The following PRDM10 variants were observed in gnomAD, a reference collection of about 807,000 sequenced individuals.
PRDM10 encodes PR/SET domain 10, also known as PR domain zinc finger protein 10.
In PRDM10, 65 loss-of-function variants were observed where a neutral mutation model predicts 133.1. The observed-to-expected ratio is 0.49, with a 90% CI of 0.40 to 0.60. PRDM10 has a LOEUF of 0.60. PRDM10 is among the 20% of genes least tolerant of loss of function. The pLI, the probability that PRDM10 is intolerant of heterozygous loss-of-function variation, is 0.00. For missense variants in PRDM10, 1,137 were observed against 1,507.1 expected, an observed-to-expected ratio of 0.75 and a Z score of 4.07; for synonymous variants, 582 against 580.4, an observed-to-expected ratio of 1.00 and a Z score of -0.04.
At chr11:129,933,071 C>T (rs1950920996) in intron 9 of PRDM10, among the ~76,000 whole-genome samples, 1 of 152,176 alleles carries the variant, frequency 6.6e-6, no homozygotes, top group African/African-American at 2.4e-5. Flanking sequence ...GAATTGCCAA[C>T]AAACACAAAT....
chr11:129,915,624 G>T, intron 16 of PRDM10, 36 bp downstream of exon 16: 13 of 1,532,476 alleles, frequency 8.5e-6, no homozygotes, highest in Non-Finnish European at 1.1e-5. Flanking sequence ...TCGCATGGCG[G>T]TTTTGACCTT....
At chr11:129,916,171 G>A (rs978045797) in intron 15 of PRDM10, among the ~76,000 whole-genome samples, 2 of 152,160 alleles carry the variant, frequency 1.3e-5, no homozygotes, top group African/African-American at 4.8e-5. Flanking sequence ...GAAGATAATT[G>A]TTTTTAAGGC....
intron 13 of PRDM10, among the ~76,000 whole-genome samples, chr11:129,921,748 G>A (rs1950528784): frequency 6.6e-6 from 1 of 152,168 alleles, no homozygotes; most frequent in South Asian, 2.1e-4. Flanking sequence ...AGACCAGCCT[G>A]GAAGGTGGAA....
At chr11:129,985,812 AT>A (rs1342372341) in intron 1 of PRDM10, among the ~76,000 whole-genome samples, 233 of 72,720 alleles carry the variant, frequency 3.2e-3, no homozygotes, top group Non-Finnish European at 5.2e-3. Context: ...AAAAAAAAAT[AT>A]ATATATATAT....
Position 129,931,213 on chromosome 11 carries a change from G to GGT in PRDM10, c.1332_1333insAC (p.Pro445ThrfsTer5). 1 of 1,614,066 alleles carries GGT rather than the reference G, an allele frequency of 6.2e-7. No individual in the cohort carries two copies. Among genetic ancestry groups the GGT allele is most frequent in the East Asian group, 2.2e-5 (1 of 44,878 alleles). ...TGATCCAGCCCATTCAGAGTGGCTG[G>GGT]TTCAGCCTCATCAAATTGCTCCTTT... On this transcript the variant is annotated frameshift_variant, in exon 11 of 21. Coordinates refer to ENST00000360871, the MANE Select transcript of PRDM10 (RefSeq NM_199437.2). LOFTEE classifies it high-confidence loss of function.
intron 1 of PRDM10, among the ~76,000 whole-genome samples, chr11:129,997,840 G>A (rs1939142270): frequency 6.6e-6 from 1 of 152,070 alleles, no homozygotes; most frequent in Non-Finnish European, 1.5e-5. Context: ...TTGAGATTAA[G>A]ATATTCTTCA....
Position 129,957,831 on chromosome 11 carries a change from A to AC in PRDM10, c.148dup (p.Val50GlyfsTer56). The AC allele has an allele frequency of 6.2e-7, 1 of 1,614,198 alleles. No individual in the cohort carries two copies. Among genetic ancestry groups the AC allele is most frequent in the Non-Finnish European group, 8.5e-7 (1 of 1,180,018 alleles). ...GTAGGAGGCACCATCTGCCGTGTAC[A>AC]CCACCTGCTGTGGGGGGCGAACCTG... On this transcript the variant is annotated frameshift_variant, in exon 3 of 21. Transcript: ENST00000360871. LOFTEE classifies it high-confidence loss of function.
At chr11:129,939,053 G>A (rs1422806952) in intron 7 of PRDM10, among the ~76,000 whole-genome samples, 1 of 152,144 alleles carries the variant, frequency 6.6e-6, no homozygotes, top group Admixed American at 6.5e-5. Flanking sequence ...GTAGAGCCTC[G>A]TCAGCAGGGC....
intron 12 of PRDM10, among the ~76,000 whole-genome samples, chr11:129,924,359 G>C (rs571629061): frequency 6.6e-6 from 1 of 152,322 alleles, no homozygotes; most frequent in East Asian, 1.9e-4. Context: ...GAAATCATGA[G>C]TATTCTGAAA....
At chr11:129,980,867 T>G (rs1015142781) in intron 1 of PRDM10, among the ~76,000 whole-genome samples, 191 of 140,256 alleles carry the variant, frequency 1.4e-3, no homozygotes, top group African/African-American at 4.9e-3. Context: ...TCTGGTTTTT[T>G]TTTTTTTTTT....
intron 15 of PRDM10, 68 bp from the exon 16 acceptor site, chr11:129,915,928 C>T (rs954727009): frequency 8.6e-7 from 1 of 1,161,354 alleles, no homozygotes; most frequent in East Asian, 2.5e-5. Context: ...AGCAAACTAA[C>T]AATTTCATTA....
chr11:129,967,591 C>T (rs1951933517), intron 1 of PRDM10, among the ~76,000 whole-genome samples: 1 of 151,920 alleles, frequency 6.6e-6, no homozygotes, highest in Non-Finnish European at 1.5e-5. Flanking sequence ...GCTTGGTGAA[C>T]ATCAAACACA....
rs764353914 is a variant in PRDM10 at position 129,931,165 on chromosome 11, T to C, written c.1381A>G (p.Ile461Val). The C allele has an allele frequency of 6.2e-7, 1 of 1,614,150 alleles. No homozygotes were observed. Among genetic ancestry groups the C allele is most frequent in the South Asian group, 1.1e-5 (1 of 91,082 alleles). ...TGGGTTTCCTGTGGCAGCTGAGGGA[T>C]TGGGATAGTGGTCTGTTCTGGTTGA... The part of the protein sequence containing the change: ...LDQPEQTTIP[I>V]PQLPQETQSS... The change falls in exon 11 of 21, where the codon ATC (isoleucine) becomes GTC (valine). Residue 461 changes from isoleucine to valine, a missense_variant. This residue lies in a region of PRDM10 where 635 missense variants were observed against 835.2 expected (regional missense o/e 0.76). Transcript: ENST00000360871.
chr11:129,966,807 T>C (rs955462970), intron 1 of PRDM10, among the ~76,000 whole-genome samples: 2 of 151,920 alleles, frequency 1.3e-5, no homozygotes, highest in African/African-American at 4.8e-5. Context: ...TTAGAGGAGA[T>C]TCCTGGAGAC....
chr11:129,918,117 G>A lies in PRDM10; in HGVS notation c.2214+422C>T, dbSNP rs979329478. ...TTTCACTCCAGCCTGGGCAACAGGA[G>A]CGAAATTCTGTCTCAAAAATAAATA... On this transcript the variant is annotated intron_variant, in intron 14 of 20. Transcript: ENST00000360871. The surrounding 1 kb of genome is among the most constrained non-coding windows in gnomAD (Gnocchi z 5.3). Among the ~76,000 whole-genome samples the A allele has an allele frequency of 6.6e-6, 1 of 151,862 alleles. No individual in the cohort carries two copies. The highest frequency in any genetic ancestry group is 2.4e-5 in the African/African-American group (1 of 41,318).
chr11:130,001,850 C>A (rs1939405184), intron 1 of PRDM10, among the ~76,000 whole-genome samples: 1 of 152,130 alleles, frequency 6.6e-6, no homozygotes, highest in African/African-American at 2.4e-5. Context: ...TGCAGGCGGA[C>A]TGGGGCAGGG....
intron 1 of PRDM10, among the ~76,000 whole-genome samples, chr11:129,999,572 C>A (rs1327218774): frequency 6.6e-6 from 1 of 152,076 alleles, no homozygotes; most frequent in Non-Finnish European, 1.5e-5. Context: ...ACAAACTGAA[C>A]AACTCAAACA....
At chr11:129,970,744 C>A (rs780396879) in intron 1 of PRDM10, among the ~76,000 whole-genome samples, 3 of 151,974 alleles carry the variant, frequency 2.0e-5, no homozygotes, top group African/African-American at 7.2e-5. Context: ...CGGGGTTTCA[C>A]GATGTTGGCC....
At position 129,942,596 on chromosome 11, in the gene PRDM10, C is replaced by T; in HGVS notation, c.796G>A (p.Asp266Asn). 6.2e-7 allele frequency: 1 copy of T among 1,614,174 alleles called. No individual in the cohort carries two copies. Among genetic ancestry groups the T allele is most frequent in the South Asian group, 1.1e-5 (1 of 91,076 alleles). Residue 266 changes from aspartate (D) to asparagine (N), a missense_variant, in exon 7 of 21, where the codon GAT becomes AAT. Transcript: ENST00000360871. ...SLDKGDRKER[D>N]LHEDLWFELS... ...TCAAACCATAGGTCTTCATGTAAAT[C>T]CCTTTCTTTCCTGTCCCCTTTATCA... is the stretch of plus-strand genomic sequence containing the variant.
Sources: allele counts gnomAD v4.1 joint callset (sites outside exome capture counted in the v4.1 genomes callset), GRCh38; gene constraint gnomAD v4.1.1; regional missense constraint gnomAD v4.1.1; non-coding constraint Gnocchi (gnomAD v3.1); transcripts MANE v1.5; gene names NCBI Gene and HGNC (gene_info 2026-07-23, HGNC 2026-07-21).